Variants in SCAP observed in about 807,000 individuals in gnomAD.
SCAP encodes the protein SREBF chaperone, also known as sterol regulatory element-binding protein cleavage-activating protein.
SCAP carries 65 observed loss-of-function variants against 123.6 expected under a neutral mutation model. That is an observed-to-expected ratio of 0.53 (90% CI 0.43 to 0.65). SCAP has a LOEUF of 0.65. Among genes scored for constraint, SCAP ranks in the 30% least tolerant of loss-of-function variants. SCAP has a pLI of 0.00. For missense variants in SCAP, 1,398 were observed against 1,712.5 expected (o/e 0.82, Z 3.24); for synonymous variants, 740 against 726.3 (o/e 1.02, Z -0.30).
At chr3:47,466,298 A>C (rs2108014588) in intron 1 of SCAP, among the ~76,000 whole-genome samples, 1 of 152,284 alleles carries the variant, frequency 6.6e-6, no homozygotes, top group East Asian at 1.9e-4. Context: ...AGTAAGCAGA[A>C]CAATGTGGTA....
At chr3:47,476,351 C>G (rs1045186377), upstream of SCAP, among the ~76,000 whole-genome samples, 4 of 152,146 alleles carry the variant, frequency 2.6e-5, no homozygotes, top group African/African-American at 9.7e-5. Flanking sequence ...GTCCCAGCTA[C>G]TCAGGAGGCT....
intron 3 of SCAP, among the ~76,000 whole-genome samples, chr3:47,433,087 T>C (rs1407703515): frequency 1.3e-5 from 2 of 152,200 alleles, no homozygotes; most frequent in African/African-American, 4.8e-5. Context: ...TGGACTCCTT[T>C]TGAGGCTCAA....
At chr3:47,456,538 G>A (rs1328636782) in intron 1 of SCAP, among the ~76,000 whole-genome samples, 2 of 152,190 alleles carry the variant, frequency 1.3e-5, no homozygotes, top group African/African-American at 4.8e-5. Flanking sequence ...GGCCGAGACA[G>A]GTGGATCACC....
At chr3:47,457,422 C>T (rs1383769673) in intron 1 of SCAP, among the ~76,000 whole-genome samples, 1 of 152,174 alleles carries the variant, frequency 6.6e-6, no homozygotes, top group African/African-American at 2.4e-5. Context: ...TGACTGCGTT[C>T]CCCTTCAGGA....
At chr3:47,447,997 C>T (rs1266543807) in intron 1 of SCAP, among the ~76,000 whole-genome samples, 18 of 102,096 alleles carry the variant, frequency 1.8e-4, no homozygotes, top group East Asian at 5.4e-4. Flanking sequence ...AGGGAGACTC[C>T]GTCTCAAAAA....
At chr3:47,468,919 G>A (rs979558284) in intron 1 of SCAP, among the ~76,000 whole-genome samples, 11 of 152,150 alleles carry the variant, frequency 7.2e-5, no homozygotes, top group African/African-American at 2.7e-4. Flanking sequence ...AAGGGATCCA[G>A]TTTCAGCTTT....
At position 47,415,167 on chromosome 3, in the gene SCAP, G is replaced by T. The variant is rs375413175; in HGVS notation, c.3070C>A (p.Arg1024=). ...VFLDKRIVAA[R]LNGSLDFFSL... is the part of the protein sequence containing the mutation. Reference sequence around the variant, plus strand: ...AAGAAATCAAGGGAACCGTTGAGCCGTGCAGCCACAATCCTGGAAGAGAAG... The same window carrying T: ...AAGAAATCAAGGGAACCGTTGAGCCTTGCAGCCACAATCCTGGAAGAGAAG... Residue 1024 remains arginine (R), a synonymous_variant, in exon 19 of 23, where the codon CGG becomes AGG. Transcript: ENST00000265565. 1.2e-6 allele frequency: 2 copies of T among 1,611,484 alleles called. No homozygotes were observed. Among genetic ancestry groups the T allele is most frequent in the African/African-American group, 2.7e-5 (2 of 74,810 alleles).
Position 47,419,414 on chromosome 3 carries a change from C to A in SCAP, c.1854G>T (p.Gly618=). The A allele has an allele frequency of 6.2e-7, 1 of 1,613,244 alleles. No individual in the cohort carries two copies. Among genetic ancestry groups the A allele is most frequent in the Non-Finnish European group, 8.5e-7 (1 of 1,179,802 alleles). Residue 618 remains glycine, a synonymous_variant, in exon 13 of 23, where the codon GGG becomes GGT. Transcript: ENST00000265565. This position sits in a 1 kb window ranked among gnomAD's most constrained non-coding sequence, Gnocchi z 5.0. ...TCCTCCAAAGTTCCTCATCCTCAGG[C>A]CCCCAGGTTACCTCTGGGACTGGGC... The part of the protein sequence containing the change: ...HDSPVPEVTW[G]PEDEELWRKL...
intron 1 of SCAP, among the ~76,000 whole-genome samples, chr3:47,455,514 G>C (rs1437366282): frequency 6.8e-6 from 1 of 146,572 alleles, no homozygotes; most frequent in Non-Finnish European, 1.5e-5. Context: ...AGAATCACTT[G>C]AACCTGGGAG....
rs2107783679 is a variant in SCAP at position 47,419,815 on chromosome 3, A to C, written c.1564-111T>G. Reference sequence around the variant, plus strand: ...AGGGACCTCAGGCCTGGGGATGGAGAGAGGACACAGGCCCCACTGCGTCCT... The same window carrying C: ...AGGGACCTCAGGCCTGGGGATGGAGCGAGGACACAGGCCCCACTGCGTCCT... On this transcript the variant is annotated intron_variant, in intron 12 of 22. Transcript: ENST00000265565. The surrounding 1 kb of genome is among the most constrained non-coding windows in gnomAD (Gnocchi z 5.0). 1.6e-6 allele frequency: 2 copies of C among 1,281,582 alleles called. No individual in the cohort carries two copies. Among genetic ancestry groups the C allele is most frequent in the African/African-American group, 1.5e-5 (1 of 66,780 alleles). The allele number at this position is 1,281,582 out of a possible 1,614,324, so 79.4% of individuals were successfully genotyped here.
At chr3:47,460,880 T>C (rs551627356) in intron 1 of SCAP, among the ~76,000 whole-genome samples, 7 of 152,234 alleles carry the variant, frequency 4.6e-5, no homozygotes, top group Non-Finnish European at 1.0e-4. Flanking sequence ...AAACGTTGCA[T>C]GGAAGAGGGT....
chr3:47,426,237 C>T (rs896135480), intron 6 of SCAP, 68 bp from the exon 7 acceptor site: 14 of 1,496,314 alleles, frequency 9.4e-6, no homozygotes, highest in African/African-American at 4.2e-5. Context: ...AGACAATCCC[C>T]GGACAGAGGG....
intron 9 of SCAP, 153 bp from the exon 10 acceptor site, chr3:47,422,689 CCTG>C (rs1705957130): frequency 1.7e-6 from 1 of 581,312 alleles, no homozygotes. Flanking sequence ...CCCTCAGGGT[CCTG>C]CTAATGCCCA....
intron 16 of SCAP, 33 bp from the exon 17 acceptor site, chr3:47,417,859 A>ACGGGGGAGGGGGGTGAGTGGGGGCC: frequency 1.6e-6 from 1 of 613,772 alleles, no homozygotes; most frequent in Non-Finnish European, 2.1e-6. Context: ...GAGAGGGGGC[A>ACGGGGGAGGGGGGTGAGTGGGGGCC]CGGGGGAGGG....
At chr3:47,414,781 C>T in intron 20 of SCAP, 46 bp downstream of exon 20, 1 of 1,598,612 alleles carries the variant, frequency 6.3e-7, no homozygotes, top group Non-Finnish European at 8.5e-7. Flanking sequence ...AGGCTCCCAC[C>T]CCGTGCCGGG....
chr3:47,427,416 C>A (rs377500079), intron 5 of SCAP, 31 bp downstream of exon 5: 1 of 1,606,422 alleles, frequency 6.2e-7, no homozygotes. Context: ...GGCACCTTTA[C>A]AGGTCTGAAG....
At position 47,451,522 on chromosome 3, in the gene SCAP, C is replaced by G. The variant is rs897131514; in HGVS notation, c.-98-8431G>C. The stretch of plus-strand genomic sequence containing the variant: ...AATCAATTCTCCCACTTCAGCCTCC[C>G]AAGTAGCTAGGACTATAGGCGTGCA... On this transcript the variant is annotated intron_variant, in intron 1 of 22. Coordinates refer to ENST00000265565, the MANE Select transcript of SCAP (RefSeq NM_012235.4). 8.5e-5 allele frequency among the ~76,000 whole-genome samples: 10 copies of G among 117,730 alleles called. 3 individuals are homozygous for G. The highest frequency in any genetic ancestry group is 3.9e-4 in the Admixed American group (4 of 10,324). The allele number at this position is 117,730 out of a possible 152,430, so 77.2% of individuals were successfully genotyped here. A position where few individuals can be genotyped will look rare whatever the true frequency, so the allele number is the denominator to read the frequency against.
chr3:47,421,448 G>T (rs1705896574), intron 10 of SCAP: 1 of 171,640 alleles, frequency 5.8e-6, no homozygotes, highest in South Asian at 1.4e-4. Flanking sequence ...TCTCAGAAAG[G>T]TTCCCAGCCA....
chr3:47,414,491 G>A, intron 21 of SCAP, 81 bp downstream of exon 21: 1 of 1,596,760 alleles, frequency 6.3e-7, no homozygotes. Flanking sequence ...TTCCTGGAAG[G>A]CCCCTGGGGA....
Sources: gnomAD v4.1 joint callset for allele counts (sites outside exome capture counted in the v4.1 genomes callset) on GRCh38, gnomAD v4.1.1 for gene constraint, Gnocchi (gnomAD v3.1) non-coding constraint, MANE v1.5 for transcripts, NCBI Gene and HGNC (gene_info 2026-07-23, HGNC 2026-07-21) for gene names.